CCDC77: variants seen among roughly 807,000 people sequenced by gnomAD.
CCDC77 encodes coiled-coil domain containing 77.
CCDC77 carries 56 observed loss-of-function variants against 66.8 expected under a neutral mutation model. The observed-to-expected ratio is 0.84, with a 90% CI of 0.68 to 1.05. The LOEUF is 1.05. Among genes scored for constraint, CCDC77 ranks in the 50% least tolerant of loss-of-function variants. The pLI is 0.00. For missense variants in CCDC77, 570 were observed against 576.8 expected, an observed-to-expected ratio of 0.99 and a Z score of 0.12; for synonymous variants, 196 against 195.2, an observed-to-expected ratio of 1.00 and a Z score of -0.03.
At chr12:416,355 G>GTATATATATATA (rs1565569017) in intron 4 of CCDC77, among the ~76,000 whole-genome samples, 3 of 31,750 alleles carry the variant, frequency 9.4e-5, no homozygotes, top group South Asian at 1.7e-3. Context: ...GTGTGTGTGT[G>GTATATATATATA]TGTGTGTGTG....
At chr12:441,629 A>T in intron 12 of CCDC77, 145 bp from the exon 13 acceptor site, 1 of 785,866 alleles carries the variant, frequency 1.3e-6, no homozygotes, top group Non-Finnish European at 2.0e-6. Context: ...TTCTTTAGTT[A>T]GCCACTGAAC....
chr12:424,371 C>CTT (rs35694646), intron 5 of CCDC77, among the ~76,000 whole-genome samples: 12 of 143,134 alleles, frequency 8.4e-5, no homozygotes, highest in Non-Finnish European at 7.7e-5. Flanking sequence ...ATTTTCTCCT[C>CTT]TTTTTTTTTT....
chr12:410,304 G>C (rs1945082079), intron 3 of CCDC77, among the ~76,000 whole-genome samples: 1 of 148,614 alleles, frequency 6.7e-6, no homozygotes, highest in African/African-American at 2.5e-5. Flanking sequence ...TTTTGCTCTT[G>C]TTGCCCAGGC....
chr12:400,000 A>G (rs903409502), upstream of CCDC77, among the ~76,000 whole-genome samples: 1 of 152,276 alleles, frequency 6.6e-6, no homozygotes, highest in African/African-American at 2.4e-5. Context: ...TCTGTAGTTT[A>G]GTTTAGCCAC....
At chr12:425,674 G>C (rs1297559682) in intron 5 of CCDC77, among the ~76,000 whole-genome samples, 5 of 151,908 alleles carry the variant, frequency 3.3e-5, no homozygotes, top group Non-Finnish European at 7.4e-5. Flanking sequence ...GGGATACCTG[G>C]ATCACAGCCT....
intron 9 of CCDC77, chr12:436,831 G>A: frequency 1.2e-6 from 1 of 811,768 alleles, no homozygotes; most frequent in Non-Finnish European, 1.5e-6. Flanking sequence ...TGCCCTTTGG[G>A]TATCACTTTC....
intron 2 of CCDC77, 28 bp from the exon 3 acceptor site, chr12:409,339 GT>G (rs1565564774): frequency 1.3e-6 from 2 of 1,560,396 alleles, no homozygotes; most frequent in East Asian, 4.5e-5. Context: ...TTCGTGGCCC[GT>G]AATTATGAAT....
rs1591987190 is a variant in CCDC77, at chr12:428,787, A to G, written c.432A>G (p.Lys144=). 1 of 1,611,678 alleles carries G rather than the reference A, an allele frequency of 6.2e-7. No homozygotes were observed. The highest frequency in any genetic ancestry group is 8.5e-7 in the Non-Finnish European group (1 of 1,178,968). Reference sequence around the variant, plus strand: ...ATTGCAGGGAGCTAGAAGACAAGAAAAAGATTCAGAATCTCTTGGCTCTTG... The same window carrying G: ...ATTGCAGGGAGCTAGAAGACAAGAAGAAGATTCAGAATCTCTTGGCTCTTG... ...RLRIRELEDK[K]KIQNLLALVG... is the part of the protein sequence containing the mutation. Residue 144 remains lysine (K), a synonymous_variant, in exon 6 of 13, where the codon AAA becomes AAG. Transcript: ENST00000239830.
At chr12:415,603 A>T (rs970915426) in intron 4 of CCDC77, among the ~76,000 whole-genome samples, 1 of 151,186 alleles carries the variant, frequency 6.6e-6, no homozygotes, top group East Asian at 1.9e-4. Context: ...TTTTTATCAC[A>T]TTATGTATGT....
intron 2 of CCDC77, among the ~76,000 whole-genome samples, chr12:407,276 A>G (rs117478956): frequency 6.6e-6 from 1 of 152,012 alleles, no homozygotes; most frequent in Non-Finnish European, 1.5e-5. Context: ...ATGTAAGACA[A>G]AGAGAGGAGT....
At position 416,345 on chromosome 12, in the gene CCDC77, GT is replaced by G. The variant is rs1210563914; in HGVS notation, c.271-2148del. 2.9e-3 allele frequency among the ~76,000 whole-genome samples: 96 copies of G among 32,660 alleles called. 6 individuals carry two copies. Among genetic ancestry groups the G allele is most frequent in the African/African-American group, 0.011 (89 of 8,280 alleles). The allele number at this position is 32,660 out of a possible 152,430, so 21.4% of individuals were successfully genotyped here. On this transcript the variant is annotated intron_variant, in intron 4 of 12. Transcript: ENST00000239830. Reference sequence around the variant, plus strand: ...TGTGTGAGTCTGTGGGTGTGTGGGGGTGTGTGTGTGTGTGTGTGTGTGTGTG... The same window carrying G: ...TGTGTGAGTCTGTGGGTGTGTGGGGGGTGTGTGTGTGTGTGTGTGTGTGTG...
rs1010103492 is a variant in CCDC77, at chr12:436,301, G to A, written c.822-2034G>A. Reference sequence around the variant, plus strand: ...CCCGGCTAATTTTTTTTTTTTAATTGTATTTTTAGTAGAGACAAGGTTTCA... The same window carrying A: ...CCCGGCTAATTTTTTTTTTTTAATTATATTTTTAGTAGAGACAAGGTTTCA... On this transcript the variant is annotated intron_variant, in intron 9 of 12. Coordinates refer to ENST00000239830, the MANE Select transcript of CCDC77 (RefSeq NM_032358.4). 6.6e-5 allele frequency among the ~76,000 whole-genome samples: 10 copies of A among 150,852 alleles called. 1 individual carries two copies. Among genetic ancestry groups the A allele is most frequent in the Middle Eastern group, 6.8e-3 (2 of 292 alleles).
rs11062991 is a variant in CCDC77 at position 440,788 on chromosome 12, G to A, written c.1167+46G>A. ...TGTAATGGAATAGGAAGTGCAGATG[G>A]CTGGGGAAGACGCTTCCCTCACCTT... On this transcript the variant is annotated intron_variant, in intron 11 of 12. Transcript: ENST00000239830. 4 of 1,613,228 alleles carry A rather than the reference G, an allele frequency of 2.5e-6. No homozygotes were observed. The East Asian group carries it at 8.9e-5, about 36-fold the overall frequency.
At chr12:403,463 C>G (rs1014854337) in intron 1 of CCDC77, among the ~76,000 whole-genome samples, 1 of 152,104 alleles carries the variant, frequency 6.6e-6, no homozygotes, top group African/African-American at 2.4e-5. Flanking sequence ...GATATCAGAG[C>G]CCACATTCTC....
At chr12:440,775 G>A (rs774280335) in intron 11 of CCDC77, 33 bp downstream of exon 11, 6 of 1,613,590 alleles carry the variant, frequency 3.7e-6, no homozygotes, top group Non-Finnish European at 5.1e-6. Context: ...TAATGGAATA[G>A]GAAGTGCAGA....
At chr12:430,236 G>T (rs1196212157) in intron 6 of CCDC77, among the ~76,000 whole-genome samples, 2 of 151,968 alleles carry the variant, frequency 1.3e-5, no homozygotes, top group African/African-American at 4.8e-5. Context: ...CAGGTGATCC[G>T]CCCACCTTGG....
Position 423,294 on chromosome 12 carries a change from T to TA in CCDC77, c.413+4658_413+4659insA, listed in dbSNP as rs1945447880. ...ATGTGCTGCCATGCCCAGCTAATTT[T>TA]TATATATATATATATTTTTTTTTTT... On this transcript the variant is annotated intron_variant, in intron 5 of 12. Coordinates refer to ENST00000239830, the MANE Select transcript of CCDC77 (RefSeq NM_032358.4). 2.0e-4 allele frequency among the ~76,000 whole-genome samples: 24 copies of TA among 122,256 alleles called. 1 individual carries two copies. In the East Asian group the frequency reaches 3.8e-3, roughly 19 times the overall value. 80.2% of individuals were successfully genotyped at this position (122,256 alleles called of 152,430 possible).
In CCDC77 at chr12:422,795, G is replaced by A. The variant is rs535328522; in HGVS notation, c.413+4159G>A. On this transcript the variant is annotated intron_variant, in intron 5 of 12. Transcript: ENST00000239830. ...CTGGCTAATTTTTTTTGTAATTTCT[G>A]TAGAGACAGGGTTCTGCCATGTGGC... Among the ~76,000 whole-genome samples, 4 of 152,214 alleles carry A rather than the reference G, an allele frequency of 2.6e-5. No individual in the cohort carries two copies. In the East Asian group the frequency reaches 7.7e-4, roughly 29 times the overall value.
Position 409,331 on chromosome 12 carries a change from C to A in CCDC77, c.-16-37C>A, listed in dbSNP as rs772772088. 19 of 1,478,124 alleles carry A rather than the reference C, an allele frequency of 1.3e-5. No homozygotes were observed. The African/African-American group carries it at 1.4e-4, about 11-fold the overall frequency. The allele number at this position is 1,478,124 out of a possible 1,614,324, so 91.6% of individuals were successfully genotyped here. On this transcript the variant is annotated intron_variant, in intron 2 of 12. Transcript: ENST00000239830. ...CCTGTACTGTTTTTATTTTTCTATT[C>A]GTGGCCCGTAATTATGAATTTTTGT...
Sources: gnomAD v4.1 joint callset for allele counts (sites outside exome capture counted in the v4.1 genomes callset) on GRCh38, gnomAD v4.1.1 for gene constraint, MANE v1.5 for transcripts, NCBI Gene and HGNC (gene_info 2026-07-23, HGNC 2026-07-21) for gene names.